PHF20L1: variants seen among roughly 807,000 people sequenced by gnomAD.
PHF20L1 encodes PHD finger protein 20 like 1.
PHF20L1 carries 44 observed loss-of-function variants against 125.5 expected under a neutral mutation model. The observed-to-expected ratio is 0.35, with a 90% CI of 0.28 to 0.45. The LOEUF (loss-of-function observed/expected upper bound fraction) is 0.45, where lower values mean the gene tolerates loss of function less well. Ranked by LOEUF, PHF20L1 falls within the 20% of genes least tolerant of loss-of-function variation. The probability of loss-of-function intolerance (pLI) is 1.00; values close to 1 mark genes in which losing one functional copy is unlikely to be tolerated. For synonymous variants in PHF20L1, 380 were observed against 403.1 expected (o/e 0.94, Z 0.69); for missense variants, 1,012 against 1,217.2 (o/e 0.83, Z 2.51).
chr8:132,832,779 G>T (rs1293608107), intron 15 of PHF20L1, among the ~76,000 whole-genome samples: 1 of 152,070 alleles, frequency 6.6e-6, no homozygotes, highest in East Asian at 1.9e-4. Context: ...TCTAACCAAG[G>T]TCTGTCTTAA....
chr8:132,785,765 A>G (rs1197504591), intron 2 of PHF20L1, among the ~76,000 whole-genome samples: 1 of 152,088 alleles, frequency 6.6e-6, no homozygotes, highest in East Asian at 1.9e-4. Context: ...GAGTATAGAT[A>G]TTTACTTAAT....
chr8:132,806,687 T>C (rs1833745219), intron 8 of PHF20L1: 1 of 152,092 alleles, frequency 6.6e-6, no homozygotes, highest in Non-Finnish European at 1.5e-5. Context: ...TACAGTAGAT[T>C]TCATTTATAG....
chr8:132,820,188 T>C (rs1835428253), intron 12 of PHF20L1, among the ~76,000 whole-genome samples: 2 of 151,898 alleles, frequency 1.3e-5, no homozygotes, highest in Admixed American at 1.3e-4. Flanking sequence ...GCCTTTGTTT[T>C]TATTTTACTA....
At chr8:132,786,734 T>C (rs1007121135) in intron 2 of PHF20L1, among the ~76,000 whole-genome samples, 1 of 152,128 alleles carries the variant, frequency 6.6e-6, no homozygotes, top group Non-Finnish European at 1.5e-5. Flanking sequence ...CTTTAAAAAC[T>C]GGTAACAATA....
At chr8:132,800,672 T>C (rs1832943872) in intron 6 of PHF20L1, among the ~76,000 whole-genome samples, 1 of 151,788 alleles carries the variant, frequency 6.6e-6, no homozygotes, top group African/African-American at 2.4e-5. Context: ...AACACTTTTG[T>C]ATATGCAAAC....
Position 132,824,061 on chromosome 8 carries a change from G to T in PHF20L1, c.1636+1G>T. ...GAAGACAAAAGCTCAACAGCATTTG[G>T]TATGAACAGAAAGTAATCTTTAAGC... On this transcript the variant is annotated splice_donor_variant, in intron 13 of 20. Coordinates refer to ENST00000395386, the MANE Select transcript of PHF20L1 (RefSeq NM_016018.5). LOFTEE classifies it high-confidence loss of function. 6.3e-7 allele frequency: 1 copy of T among 1,581,908 alleles called. No homozygotes were observed. The highest frequency in any genetic ancestry group is 8.7e-7 in the Non-Finnish European group (1 of 1,153,284).
rs117274414 is a variant in PHF20L1 at position 132,831,591 on chromosome 8, C to T, written c.1745-644C>T. Reference sequence around the variant, plus strand: ...GCCAGACATCAGGAGAACCTCTTTACGAATTGTGGGGAAGAAAAAAGGTGA... The same window carrying T: ...GCCAGACATCAGGAGAACCTCTTTATGAATTGTGGGGAAGAAAAAAGGTGA... On this transcript the variant is annotated intron_variant, in intron 14 of 20. Transcript: ENST00000395386. Among the ~76,000 whole-genome samples, 195 of 151,946 alleles carry T rather than the reference C, an allele frequency of 1.3e-3. No homozygotes were observed. In the East Asian group the frequency reaches 0.026, roughly 20 times the overall value.
At chr8:132,811,985 T>C in intron 9 of PHF20L1, 2 of 980,608 alleles carry the variant, frequency 2.0e-6, no homozygotes, top group Non-Finnish European at 2.4e-6. Context: ...TAATTGATAT[T>C]GTATTGAGTT....
rs1403459620 is a variant in PHF20L1 at position 132,817,040 on chromosome 8, A to T, written c.1336A>T (p.Ser446Cys). 6.3e-7 allele frequency: 1 copy of T among 1,597,082 alleles called. No homozygotes were observed. The highest frequency in any genetic ancestry group is 8.5e-7 in the Non-Finnish European group (1 of 1,172,488). ...CACTGATGGGAAAGTATTCTCCATCAGTTCTCAAAATCAGCAAGAATCTTC... is the reference window on the plus strand; with the variant it reads ...CACTGATGGGAAAGTATTCTCCATCTGTTCTCAAAATCAGCAAGAATCTTC... ...PATDGKVFSISSQNQQESSVP... is the reference protein window; with the variant it reads ...PATDGKVFSICSQNQQESSVP... The change falls in exon 11 of 21, where the codon AGT becomes TGT. Residue 446 changes from serine (S) to cysteine (C), a missense_variant. Ser to Cys is a moderately radical substitution (Grantham distance 112, BLOSUM62 -1). This residue lies in a region of PHF20L1 where 320 missense variants were observed against 293.8 expected (regional missense o/e 1.09). Transcript: ENST00000395386.
intron 11 of PHF20L1, 124 bp downstream of exon 11, chr8:132,817,200 C>T (rs1835082762): frequency 4.5e-6 from 4 of 896,744 alleles, no homozygotes; most frequent in East Asian, 5.3e-5. Context: ...ATAAGCACTT[C>T]ACTTATTCTA....
Position 132,799,302 on chromosome 8 carries a change from G to A in PHF20L1, c.507+130G>A, listed in dbSNP as rs1832769652. ...TTCTTCTTTCCTTCTACAAATCATA[G>A]TCATTCATCTTCCTTTAAAAGGCGC... is the stretch of plus-strand genomic sequence containing the variant. On this transcript the variant is annotated intron_variant, in intron 6 of 20. Transcript: ENST00000395386. 5.2e-6 allele frequency: 3 copies of A among 577,318 alleles called. No individual in the cohort carries two copies. The South Asian group carries it at 7.4e-5, about 14-fold the overall frequency. 35.8% of individuals were successfully genotyped at this position (577,318 alleles called of 1,614,324 possible). A position where few individuals can be genotyped will look rare whatever the true frequency, so the allele number is the denominator to read the frequency against.
At chr8:132,811,537 C>T (rs1834391612) in intron 9 of PHF20L1, 1 of 983,672 alleles carries the variant, frequency 1.0e-6, no homozygotes, top group South Asian at 4.6e-5. Flanking sequence ...TGTTGTTAGA[C>T]TGACTATGTG....
At chr8:132,782,488 A>AT (rs1348502375) in intron 2 of PHF20L1, among the ~76,000 whole-genome samples, 4 of 152,188 alleles carry the variant, frequency 2.6e-5, no homozygotes, top group Non-Finnish European at 5.9e-5. Flanking sequence ...GAGTTAAGTG[A>AT]TTGAGTTTTT....
chr8:132,775,396 CCGGCGGCGGAGGCGGCGGCGG>C lies in PHF20L1; in HGVS notation c.-278_-258del, dbSNP rs1455292086. 7.9e-6 allele frequency: 3 copies of C among 379,814 alleles called. No individual in the cohort carries two copies. Among genetic ancestry groups the C allele is most frequent in the Non-Finnish European group, 1.4e-5 (3 of 216,634 alleles). 23.5% of individuals were successfully genotyped at this position (379,814 alleles called of 1,614,324 possible). On this transcript the variant is annotated 5_prime_UTR_variant, in exon 1 of 21. Coordinates refer to ENST00000395386, the MANE Select transcript of PHF20L1 (RefSeq NM_016018.5). Reference sequence around the variant, plus strand: ...GGGCCCGGCGTCGCGTCAGGGCTGGCCGGCGGCGGAGGCGGCGGCGGCGGCGGCGATGGCAGCGGACCCTGA... The same window carrying C: ...GGGCCCGGCGTCGCGTCAGGGCTGGCCGGCGGCGATGGCAGCGGACCCTGA...
intron 2 of PHF20L1, among the ~76,000 whole-genome samples, chr8:132,782,335 G>A (rs1217016525): frequency 6.6e-6 from 1 of 152,140 alleles, no homozygotes; most frequent in Non-Finnish European, 1.5e-5. Context: ...AGTATTACTG[G>A]CTTTTATTTA....
At chr8:132,833,717 G>A (rs1349340520) in intron 15 of PHF20L1, among the ~76,000 whole-genome samples, 1 of 152,026 alleles carries the variant, frequency 6.6e-6, no homozygotes, top group African/African-American at 2.4e-5. Context: ...GGCTAGTTGT[G>A]GTGCTGAAAC....
At position 132,832,372 on chromosome 8, in the gene PHF20L1, A is replaced by C. The variant is rs745861598; in HGVS notation, c.1882A>C (p.Ile628Leu). The C allele has an allele frequency of 6.2e-7, 1 of 1,612,122 alleles. No homozygotes were observed. The change falls in exon 15 of 21, where the codon ATT becomes CTT. Residue 628 changes from isoleucine to leucine, a missense_variant. This residue lies in a region of PHF20L1 where 320 missense variants were observed against 293.8 expected (regional missense o/e 1.09). Transcript: ENST00000395386. ...KTTTYQYPRAILSVDLSGENL... is the reference protein window; with the variant it reads ...KTTTYQYPRALLSVDLSGENL... The stretch of plus-strand genomic sequence containing the variant: ...TACAACCTATCAGTACCCAAGGGCA[A>C]TTCTATCCGTTGATCTTAGTGGTGA...
intron 8 of PHF20L1, chr8:132,807,567 A>AT (rs1833877083): frequency 2.8e-6 from 1 of 361,552 alleles, no homozygotes; most frequent in Non-Finnish European, 5.4e-6. Flanking sequence ...TGATAATAAT[A>AT]TCAAGAATAT....
At position 132,810,735 on chromosome 8, in the gene PHF20L1, T is replaced by TA. The variant is rs568394319; in HGVS notation, c.848-309dup. On this transcript the variant is annotated intron_variant, in intron 8 of 20. Transcript: ENST00000395386. ...TAAGTATTAGCAACCTGAGCAACCTTAATGTAGACATTAAGACAGAATTTT... is the reference window on the plus strand; with the variant it reads ...TAAGTATTAGCAACCTGAGCAACCTTAAATGTAGACATTAAGACAGAATTTT... 3.9e-3 allele frequency: 1,014 copies of TA among 256,760 alleles called. 11 individuals carry two copies. The highest frequency in any genetic ancestry group is 4.5e-3 in the Non-Finnish European group (590 of 131,482). The allele number at this position is 256,760 out of a possible 1,614,324, so 15.9% of individuals were successfully genotyped here.
Sources: gnomAD v4.1 joint callset for allele counts (sites outside exome capture counted in the v4.1 genomes callset) on GRCh38, gnomAD v4.1.1 for gene constraint, gnomAD v4.1.1 regional missense constraint, MANE v1.5 for transcripts, NCBI Gene and HGNC (gene_info 2026-07-23, HGNC 2026-07-21) for gene names.